The following OR2A14 variants were observed in gnomAD, a reference collection of about 807,000 sequenced individuals.
OR2A14 encodes the protein olfactory receptor family 2 subfamily A member 14, also known as olfactory receptor 2A14.
OR2A14 carries 2 observed loss-of-function variants against 2.4 expected under a neutral mutation model. The observed-to-expected ratio is 0.85, with a 90% CI of 0.35 to 2.67. The LOEUF is 2.67. Ranked by LOEUF, OR2A14 falls within the 30% of genes most tolerant of loss-of-function variation. The probability of loss-of-function intolerance (pLI) is 0.10; values close to 1 mark genes in which losing one functional copy is unlikely to be tolerated. For missense variants in OR2A14, 390 were observed against 379.4 expected, an observed-to-expected ratio of 1.03 and a Z score of -0.23; for synonymous variants, 160 against 156.3, an observed-to-expected ratio of 1.02 and a Z score of -0.18.
Position 144,130,443 on chromosome 7 carries a change from A to C in OR2A14, c.*398A>C. 6.4e-6 allele frequency: 1 copy of C among 156,494 alleles called. No homozygotes were observed. The allele number at this position is 156,494 out of a possible 1,614,324, so 9.7% of individuals were successfully genotyped here. A position where few individuals can be genotyped will look rare whatever the true frequency, so the allele number is the denominator to read the frequency against. Reference sequence around the variant, plus strand: ...CAGTACATAGAAAGAACTCCTTTAAATCAGCAATAAAAAATATAAACAACC... The same window carrying C: ...CAGTACATAGAAAGAACTCCTTTAACTCAGCAATAAAAAATATAAACAACC... On this transcript the variant is annotated 3_prime_UTR_variant, in exon 2 of 2. Transcript: ENST00000641068.
chr7:144,126,902 C>T (rs1227014284), intron 1 of OR2A14, among the ~76,000 whole-genome samples: 1 of 152,034 alleles, frequency 6.6e-6, no homozygotes, highest in Non-Finnish European at 1.5e-5. Context: ...GCTCCTGATA[C>T]CTTAATCCCA....
rs756995836 is a variant in OR2A14 at position 144,129,642 on chromosome 7, T to A, written c.530T>A (p.Phe177Tyr). 36 of 1,576,974 alleles carry A rather than the reference T, an allele frequency of 2.3e-5. No homozygotes were observed. In the East Asian group the frequency reaches 2.5e-4, roughly 11 times the overall value. Reference protein sequence around the residue: ...FCGPHEINHFFCEILSVLKLA... With the variant: ...FCGPHEINHFYCEILSVLKLA... ...GGGCCTCATGAAATCAACCACTTCTTCTGTGAAATCCTGTCTGTCCTCAAG... is the reference window on the plus strand; with the variant it reads ...GGGCCTCATGAAATCAACCACTTCTACTGTGAAATCCTGTCTGTCCTCAAG... Residue 177 changes from phenylalanine to tyrosine, a missense_variant, in exon 2 of 2, where the codon TTC (phenylalanine) becomes TAC (tyrosine). Phe to Tyr is a conservative substitution (Grantham distance 22, BLOSUM62 3). Coordinates refer to ENST00000641068, the MANE Select transcript of OR2A14 (RefSeq NM_001001659.3).
At position 144,129,156 on chromosome 7, in the gene OR2A14, G is replaced by A. The variant is rs759204865; in HGVS notation, c.44G>A (p.Arg15Gln). Residue 15 changes from arginine to glutamine, a missense_variant, in exon 2 of 2, where the codon CGA becomes CAA. Physicochemically the swap from Arg to Gln is conservative, Grantham distance 43. Transcript: ENST00000641068. ...KTWITDITLP[R>Q]FQVGPALEIL... ...TGGATCACAGACATCACCTTGCCGC[G>A]ATTCCAGGTTGGTCCAGCACTGGAG... 15 of 1,612,208 alleles carry A rather than the reference G, an allele frequency of 9.3e-6. No homozygotes were observed. The highest frequency in any genetic ancestry group is 1.4e-5 in the African/African-American group (1 of 73,286).
intron 1 of OR2A14, among the ~76,000 whole-genome samples, chr7:144,128,146 G>A (rs2051496374): frequency 6.6e-6 from 1 of 152,188 alleles, no homozygotes; most frequent in Non-Finnish European, 1.5e-5. Flanking sequence ...ACACTGGAAA[G>A]TAAGATAAGC....
rs777646334 is a variant in OR2A14, at chr7:144,129,755, G to A, written c.643G>A (p.Val215Ile). The A allele has an allele frequency of 8.1e-6, 13 of 1,613,886 alleles. No individual in the cohort carries two copies. The highest frequency in any genetic ancestry group is 1.1e-5 in the Non-Finnish European group (13 of 1,180,032). Residue 215 changes from valine (V) to isoleucine (I), a missense_variant, in exon 2 of 2, where the codon GTC becomes ATC. Transcript: ENST00000641068. ...ILVGPLCLVL[V>I]SYLRILAAIL... ...GGTGGGGCCACTCTGCCTGGTGCTG[G>A]TCTCCTACTTGCGCATCCTGGCCGC...
At position 144,129,133 on chromosome 7, in the gene OR2A14, G is replaced by GTT. The variant is rs2051506519; in HGVS notation, c.21_22insTT (p.Ile8LeufsTer75). ...AGAGCATGGAAGGCAACAAGACATG[G>GTT]ATCACAGACATCACCTTGCCGCGAT... On this transcript the variant is annotated frameshift_variant, in exon 2 of 2. Coordinates refer to ENST00000641068, the MANE Select transcript of OR2A14 (RefSeq NM_001001659.3). LOFTEE classifies it low-confidence loss of function (END_TRUNC). 6.2e-7 allele frequency: 1 copy of GTT among 1,611,696 alleles called. No individual in the cohort carries two copies. The highest frequency in any genetic ancestry group is 1.4e-5 in the African/African-American group (1 of 73,306).
intron 1 of OR2A14, among the ~76,000 whole-genome samples, chr7:144,126,152 T>TA (rs1390873116): frequency 1.3e-5 from 2 of 152,212 alleles, no homozygotes; most frequent in Admixed American, 1.3e-4. Context: ...TGCAGAAAAT[T>TA]AAACAGTTTC....
At chr7:144,124,533 T>A (rs2051468635) in intron 1 of OR2A14, among the ~76,000 whole-genome samples, 1 of 151,528 alleles carries the variant, frequency 6.6e-6, no homozygotes, top group African/African-American at 2.4e-5. Flanking sequence ...TTATTGGAGA[T>A]GGCAAGTTAT....
intron 1 of OR2A14, among the ~76,000 whole-genome samples, chr7:144,127,606 T>C (rs1422025516): frequency 6.6e-6 from 1 of 152,180 alleles, no homozygotes; most frequent in Non-Finnish European, 1.5e-5. Flanking sequence ...ATAATGTCCA[T>C]AAAATATAAT....
chr7:144,123,551 A>G (rs2051460450), intron 1 of OR2A14, among the ~76,000 whole-genome samples: 2 of 152,206 alleles, frequency 1.3e-5, no homozygotes, highest in Non-Finnish European at 2.9e-5. Flanking sequence ...GTGCCATAGA[A>G]GAGGATCAGA....
At position 144,129,757 on chromosome 7, in the gene OR2A14, C is replaced by T; in HGVS notation, c.645C>T (p.Val215=). The T allele has an allele frequency of 6.2e-7, 1 of 1,614,030 alleles. No homozygotes were observed. Among genetic ancestry groups the T allele is most frequent in the African/African-American group, 1.3e-5 (1 of 75,062 alleles). ...TGGGGCCACTCTGCCTGGTGCTGGT[C>T]TCCTACTTGCGCATCCTGGCCGCCA... The part of the protein sequence containing the change: ...ILVGPLCLVL[V]SYLRILAAIL... The change falls in exon 2 of 2, where the codon GTC becomes GTT. Residue 215 remains valine, a synonymous_variant. Coordinates refer to ENST00000641068, the MANE Select transcript of OR2A14 (RefSeq NM_001001659.3).
chr7:144,128,289 G>T (rs2051497363), intron 1 of OR2A14, among the ~76,000 whole-genome samples: 2 of 152,154 alleles, frequency 1.3e-5, no homozygotes, highest in Admixed American at 1.3e-4. Context: ...TTATTTAAAA[G>T]ACCTCAGAAA....
intron 1 of OR2A14, among the ~76,000 whole-genome samples, chr7:144,128,343 T>C (rs2051497917): frequency 6.6e-6 from 1 of 152,326 alleles, no homozygotes. Context: ...CATGTATTCA[T>C]TGTATGTAGC....
Position 144,129,304 on chromosome 7 carries a change from C to T in OR2A14, c.192C>T (p.His64=). Residue 64 remains histidine, a synonymous_variant, in exon 2 of 2, where the codon CAC becomes CAT. Transcript: ENST00000641068. ...CACCCATGTACTTCTTCCTCTCACA[C>T]CTGGCCATTGTTGACATATCCTATG... is the stretch of plus-strand genomic sequence containing the variant. ...LHTPMYFFLS[H]LAIVDISYAS... 1 of 1,614,186 alleles carries T rather than the reference C, an allele frequency of 6.2e-7. No individual in the cohort carries two copies. The highest frequency in any genetic ancestry group is 8.5e-7 in the Non-Finnish European group (1 of 1,180,028).
chr7:144,123,952 C>A (rs182327640), intron 1 of OR2A14, among the ~76,000 whole-genome samples: 2 of 152,188 alleles, frequency 1.3e-5, no homozygotes, highest in Admixed American at 1.3e-4. Context: ...GTTCTCATAT[C>A]CCTAATTATA....
chr7:144,124,647 C>T (rs2051469145), intron 1 of OR2A14, among the ~76,000 whole-genome samples: 1 of 152,026 alleles, frequency 6.6e-6, no homozygotes, highest in South Asian at 2.1e-4. Context: ...AGAAACTTTT[C>T]TTTTGTGTCA....
rs893421924 is a variant in OR2A14, at chr7:144,127,533, TAAAC to T, written c.-34-1542_-34-1539del. Reference sequence around the variant, plus strand: ...TCTCAATGCCAATAAAAATAAGAAATAAACAAAAATTCAAACAGTAAGAAATTCA... The same window carrying T: ...TCTCAATGCCAATAAAAATAAGAAATAAAAATTCAAACAGTAAGAAATTCA... On this transcript the variant is annotated intron_variant, in intron 1 of 1. Coordinates refer to ENST00000641068, the MANE Select transcript of OR2A14 (RefSeq NM_001001659.3). Among the ~76,000 whole-genome samples the T allele has an allele frequency of 1.2e-3, 179 of 152,146 alleles. 1 individual carries two copies. The highest frequency in any genetic ancestry group is 3.9e-3 in the African/African-American group (164 of 41,524).
In OR2A14 at chr7:144,129,134, A is replaced by T. The variant is rs2051506540; in HGVS notation, c.22A>T (p.Ile8Phe). ...GAGCATGGAAGGCAACAAGACATGG[A>T]TCACAGACATCACCTTGCCGCGATT... is the stretch of plus-strand genomic sequence containing the variant. MEGNKTW[I>F]TDITLPRFQV... The change falls in exon 2 of 2, where the codon ATC (isoleucine) becomes TTC (phenylalanine). Residue 8 changes from isoleucine (I) to phenylalanine (F), a missense_variant. Transcript: ENST00000641068. 11 of 1,613,640 alleles carry T rather than the reference A, an allele frequency of 6.8e-6. No individual in the cohort carries two copies. The highest frequency in any genetic ancestry group is 8.5e-6 in the Non-Finnish European group (10 of 1,179,720).
chr7:144,127,339 A>T (rs1314538606), intron 1 of OR2A14, among the ~76,000 whole-genome samples: 1 of 152,234 alleles, frequency 6.6e-6, no homozygotes, highest in African/African-American at 2.4e-5. Context: ...CATGATTCTT[A>T]CACACTGTGG....
Sources: gnomAD v4.1 joint callset for allele counts (sites outside exome capture counted in the v4.1 genomes callset) on GRCh38, gnomAD v4.1.1 for gene constraint, MANE v1.5 for transcripts, NCBI Gene and HGNC (gene_info 2026-07-23, HGNC 2026-07-21) for gene names.